ZNF529: variants seen among roughly 807,000 people sequenced by gnomAD.
ZNF529 encodes zinc finger protein 529.
Under a neutral mutation model 10.1 loss-of-function variants are expected in ZNF529, and 11 were observed. That is an observed-to-expected ratio of 1.09 (90% confidence interval 0.69 to 1.81). The LOEUF is 1.81. Among genes scored for constraint, ZNF529 ranks in the 40% most tolerant of loss-of-function variants. ZNF529 has a pLI of 0.00. For synonymous variants in ZNF529, 204 were observed against 215.7 expected (o/e 0.95, Z 0.47); for missense variants, 624 against 666.8 (o/e 0.94, Z 0.71).
intron 1 of ZNF529, among the ~76,000 whole-genome samples, chr19:36,595,920 C>T (rs935936814): frequency 2.0e-5 from 3 of 151,612 alleles, no homozygotes; most frequent in Non-Finnish European, 2.9e-5. Context: ...TCAATTAGGT[C>T]GTTTGCTCAC....
At chr19:36,558,636 T>A (rs1281093844) in intron 2 of ZNF529, among the ~76,000 whole-genome samples, 1 of 151,962 alleles carries the variant, frequency 6.6e-6, no homozygotes, top group East Asian at 1.9e-4. Flanking sequence ...AAAAATTAAC[T>A]CAAAATGGAT....
chr19:36,580,781 A>G lies in ZNF529; in HGVS notation c.-41+8834T>C, dbSNP rs75785562. 2.4e-3 allele frequency: 364 copies of G among 152,362 alleles called. 1 individual carries two copies. Among genetic ancestry groups the G allele is most frequent in the African/African-American group, 8.3e-3 (344 of 41,592 alleles). The allele number at this position is 152,362 out of a possible 1,614,324, so 9.4% of individuals were successfully genotyped here. A position where few individuals can be genotyped will look rare whatever the true frequency, so the allele number is the denominator to read the frequency against. On this transcript the variant is annotated intron_variant, in intron 2 of 4. Coordinates refer to the ZNF529 transcript ENST00000585960. ...CTCTTCATATATGCAGATTCAACCA[A>G]TAGCAATGCACAAATATTCAGAAAA...
intron 1 of ZNF529, among the ~76,000 whole-genome samples, chr19:36,590,960 C>A (rs1399014102): frequency 6.7e-6 from 1 of 150,012 alleles, no homozygotes; most frequent in Non-Finnish European, 1.5e-5. Flanking sequence ...TGATAAAAAC[C>A]TTAGCTAGAA....
At chr19:36,566,179 A>C (rs1274746742) in intron 2 of ZNF529, among the ~76,000 whole-genome samples, 1 of 152,194 alleles carries the variant, frequency 6.6e-6, no homozygotes, top group Non-Finnish European at 1.5e-5. Flanking sequence ...AAACAACAAC[A>C]ACAACACTTT....
intron 2 of ZNF529, among the ~76,000 whole-genome samples, chr19:36,588,155 T>C (rs1038519872): frequency 2.0e-5 from 3 of 152,008 alleles, no homozygotes; most frequent in African/African-American, 7.2e-5. Flanking sequence ...CAAAATAAAA[T>C]AAAATTGTGG....
intron 1 of ZNF529, among the ~76,000 whole-genome samples, chr19:36,599,795 G>A (rs1163046142): frequency 6.6e-6 from 1 of 151,870 alleles, no homozygotes; most frequent in Non-Finnish European, 1.5e-5. Context: ...AAACAGGCTG[G>A]CAAAATGACA....
At chr19:36,557,849 G>C (rs2035539444) in intron 2 of ZNF529, among the ~76,000 whole-genome samples, 1 of 152,148 alleles carries the variant, frequency 6.6e-6, no homozygotes, top group Admixed American at 6.6e-5. Flanking sequence ...CTGCTTGTGA[G>C]AGCAACCAGA....
At chr19:36,585,520 C>A (rs2145255367) in intron 2 of ZNF529, among the ~76,000 whole-genome samples, 1 of 152,310 alleles carries the variant, frequency 6.6e-6, no homozygotes, top group Admixed American at 6.5e-5. Context: ...CAACCCATTT[C>A]ATCTGTAAAT....
Position 36,547,552 on chromosome 19 carries a change from T to G in ZNF529, c.1006A>C (p.Lys336Gln), listed in dbSNP as rs200750406. ...TEHQRIHTGE[K>Q]PYKCMHCEKV... ...TCACAGTGCATACATTTGTAGGGTT[T>G]CTCACCAGTATGAATTCTCTGATGT... Residue 336 changes from lysine (K) to glutamine (Q), a missense_variant, in exon 5 of 5, where the codon AAA (lysine) becomes CAA (glutamine). Transcript: ENST00000591340. The G allele has an allele frequency of 1.7e-4, 269 of 1,613,888 alleles. No individual in the cohort carries two copies. Among genetic ancestry groups the G allele is most frequent in the Non-Finnish European group, 2.0e-4 (237 of 1,179,896 alleles).
chr19:36,544,384 G>C lies in ZNF529; in HGVS notation c.*2482C>G, dbSNP rs2034938602. On this transcript the variant is annotated 3_prime_UTR_variant, in exon 5 of 5. Coordinates refer to ENST00000591340, the MANE Select transcript of ZNF529 (RefSeq NM_020951.5). The stretch of plus-strand genomic sequence containing the variant: ...CAAAAAGTAAAAGCCAAGACACAAG[G>C]ATATTTTGTTTCTCTCACTAATTTT... 1 of 152,066 alleles carries C rather than the reference G, an allele frequency of 6.6e-6. No homozygotes were observed. Among genetic ancestry groups the C allele is most frequent in the Non-Finnish European group, 1.5e-5 (1 of 67,996 alleles). The allele number at this position is 152,066 out of a possible 1,614,324, so 9.4% of individuals were successfully genotyped here. A position where few individuals can be genotyped will look rare whatever the true frequency, so the allele number is the denominator to read the frequency against.
At chr19:36,583,392 A>G (rs889150678) in intron 2 of ZNF529, among the ~76,000 whole-genome samples, 1 of 152,282 alleles carries the variant, frequency 6.6e-6, no homozygotes. Flanking sequence ...AAATCCATAC[A>G]TACAGAACCA....
chr19:36,585,515 C>T, intron 2 of ZNF529, among the ~76,000 whole-genome samples: 1 of 152,182 alleles, frequency 6.6e-6, no homozygotes, highest in East Asian at 1.9e-4. Context: ...CTGCTCAACC[C>T]ATTTCATCTG....
Position 36,545,411 on chromosome 19 carries a change from C to T in ZNF529, c.*1455G>A, listed in dbSNP as rs2034973645. 1 of 152,296 alleles carries T rather than the reference C, an allele frequency of 6.6e-6. No individual in the cohort carries two copies. The highest frequency in any genetic ancestry group is 1.5e-5 in the Non-Finnish European group (1 of 68,306). 9.4% of individuals were successfully genotyped at this position (152,296 alleles called of 1,614,324 possible). A position where few individuals can be genotyped will look rare whatever the true frequency, so the allele number is the denominator to read the frequency against. On this transcript the variant is annotated 3_prime_UTR_variant, in exon 5 of 5. Transcript: ENST00000591340. ...TCATGGTGGCGCATGCCTGTAATCC[C>T]AGCTAATCAGGAGGCTGAGCAGGAG...
chr19:36,548,023 CCTT>C lies in ZNF529; in HGVS notation c.532_534del (p.Lys178del), dbSNP rs1261475914. ...TCAAACTCTAAGTCACAACTGAAGA[CCTT>C]CTCATATTCCTTGTATTCATAGGGC... On this transcript the variant is annotated inframe_deletion, in exon 5 of 5. Transcript: ENST00000591340. 1.3e-5 allele frequency: 21 copies of C among 1,613,684 alleles called. No homozygotes were observed. Among genetic ancestry groups the C allele is most frequent in the Non-Finnish European group, 1.7e-5 (20 of 1,179,838 alleles).
intron 2 of ZNF529, among the ~76,000 whole-genome samples, chr19:36,565,478 G>A (rs974599501): frequency 4.6e-5 from 7 of 152,220 alleles, no homozygotes; most frequent in South Asian, 2.1e-4. Context: ...CAAGGCAGGC[G>A]GATCATGAGG....
chr19:36,546,850 AC>A lies in ZNF529; in HGVS notation c.*15del. On this transcript the variant is annotated 3_prime_UTR_variant, in exon 5 of 5. Coordinates refer to ENST00000591340, the MANE Select transcript of ZNF529 (RefSeq NM_020951.5). Reference sequence around the variant, plus strand: ...CTGTGAAAATCAGAAATAAAAAACCACTTTATACATTTATTTCAGTCAAATG... The same window carrying A: ...CTGTGAAAATCAGAAATAAAAAACCATTTATACATTTATTTCAGTCAAATG... 6.3e-7 allele frequency: 1 copy of A among 1,586,130 alleles called. No homozygotes were observed. The highest frequency in any genetic ancestry group is 8.6e-7 in the Non-Finnish European group (1 of 1,167,136).
rs976817491 is a variant in ZNF529, at chr19:36,573,280, A to C, written c.-187T>G. 1.2e-5 allele frequency: 4 copies of C among 320,846 alleles called. No homozygotes were observed. The highest frequency in any genetic ancestry group is 2.6e-5 in the Non-Finnish European group (4 of 153,878). The allele number at this position is 320,846 out of a possible 1,614,324, so 19.9% of individuals were successfully genotyped here. ...GGGTCACCTCGACTCGCCAGGCTTA[A>C]CTCAATAACCACAACACCGGAAAAG... On this transcript the variant is annotated 5_prime_UTR_variant, in exon 1 of 5. Coordinates refer to ENST00000591340, the MANE Select transcript of ZNF529 (RefSeq NM_020951.5).
chr19:36,546,847 A>G lies in ZNF529; in HGVS notation c.*19T>C, dbSNP rs2035040584. 1.3e-6 allele frequency: 2 copies of G among 1,576,634 alleles called. No individual in the cohort carries two copies. The highest frequency in any genetic ancestry group is 1.4e-5 in the African/African-American group (1 of 73,236). On this transcript the variant is annotated 3_prime_UTR_variant, in exon 5 of 5. Transcript: ENST00000591340. ...TTCCTGTGAAAATCAGAAATAAAAAACCACTTTATACATTTATTTCAGTCA... is the reference window on the plus strand; with the variant it reads ...TTCCTGTGAAAATCAGAAATAAAAAGCCACTTTATACATTTATTTCAGTCA...
At chr19:36,562,692 C>T (rs141992857) in intron 2 of ZNF529, among the ~76,000 whole-genome samples, 4 of 151,958 alleles carry the variant, frequency 2.6e-5, no homozygotes, top group Non-Finnish European at 4.4e-5. Context: ...AAAAAAATAG[C>T]CGGGCGTGGT....
Sources: allele counts gnomAD v4.1 joint callset (sites outside exome capture counted in the v4.1 genomes callset), GRCh38; gene constraint gnomAD v4.1.1; transcripts MANE v1.5; gene names NCBI Gene and HGNC (gene_info 2026-07-23, HGNC 2026-07-21).